LSAMP: variants seen among roughly 807,000 people sequenced by gnomAD.
LSAMP encodes limbic system-associated membrane protein.
A neutral mutation model predicts 38.6 loss-of-function variants in LSAMP; 7 were observed. The observed-to-expected ratio is 0.18, with a 90% confidence interval of 0.10 to 0.34. The LOEUF (loss-of-function observed/expected upper bound fraction) is 0.34. Ranked by LOEUF, LSAMP falls within the 10% of genes least tolerant of loss-of-function variation. The pLI, the probability that LSAMP is intolerant of heterozygous loss-of-function variation, is 1.00. For missense variants in LSAMP, 313 were observed against 420.0 expected, an observed-to-expected ratio of 0.75 and a Z score of 2.23; for synonymous variants, 154 against 166.8, an observed-to-expected ratio of 0.92 and a Z score of 0.59.
At chr3:115,947,550 T>A (rs1220592476) in intron 3 of LSAMP, among the ~76,000 whole-genome samples, 5 of 152,172 alleles carry the variant, frequency 3.3e-5, no homozygotes, top group African/African-American at 7.2e-5. Flanking sequence ...GAGAGGCATT[T>A]GGGTTTCTGG....
intron 1 of LSAMP, among the ~76,000 whole-genome samples, chr3:116,237,798 T>C (rs920956821): frequency 3.3e-5 from 5 of 152,168 alleles, no homozygotes; most frequent in African/African-American, 1.2e-4. Context: ...TACTGCATAA[T>C]TCAACAACAC....
At chr3:116,301,817 A>C (rs2047413011) in intron 1 of LSAMP, among the ~76,000 whole-genome samples, 1 of 152,248 alleles carries the variant, frequency 6.6e-6, no homozygotes, top group South Asian at 2.1e-4. Flanking sequence ...TAGAGCAAGC[A>C]AGATATTTTC....
intron 1 of LSAMP, among the ~76,000 whole-genome samples, chr3:116,308,030 C>T (rs191720873): frequency 2.2e-4 from 33 of 151,950 alleles, no homozygotes; most frequent in African/African-American, 7.7e-4. Flanking sequence ...TCGTAAAATG[C>T]CTGGAACCAA....
Position 116,321,828 on chromosome 3 carries a change from T to C in LSAMP, c.155+123049A>G, listed in dbSNP as rs564139293. Among the ~76,000 whole-genome samples the C allele has an allele frequency of 9.8e-5, 15 of 152,332 alleles. 1 individual carries two copies. The South Asian group carries it at 3.1e-3, about 32-fold the overall frequency. Reference sequence around the variant, plus strand: ...GCTGGTGGTGAGAAATTGTTTGGACTTTTCAGTTTGGTCCCAATTATTTTC... The same window carrying C: ...GCTGGTGGTGAGAAATTGTTTGGACCTTTCAGTTTGGTCCCAATTATTTTC... On this transcript the variant is annotated intron_variant, in intron 1 of 6. Transcript: ENST00000490035.
intron 2 of LSAMP, among the ~76,000 whole-genome samples, chr3:116,023,618 A>C (rs1453122459): frequency 2.6e-5 from 4 of 151,932 alleles, no homozygotes; most frequent in East Asian, 3.9e-4. Context: ...AAAAAAAAAA[A>C]AAAAAACGGT....
intron 1 of LSAMP, among the ~76,000 whole-genome samples, chr3:116,118,328 T>C (rs931514151): frequency 6.6e-6 from 1 of 152,160 alleles, no homozygotes; most frequent in African/African-American, 2.4e-5. Context: ...CTATTTCCAG[T>C]AGTATTTGGT....
intron 1 of LSAMP, among the ~76,000 whole-genome samples, chr3:116,101,181 C>A (rs1708338933): frequency 6.6e-6 from 1 of 152,150 alleles, no homozygotes; most frequent in Admixed American, 6.5e-5. Context: ...ATAAGAGTGT[C>A]CCCACTCTGA....
chr3:115,978,016 C>T (rs1939241912), intron 3 of LSAMP, among the ~76,000 whole-genome samples: 1 of 151,940 alleles, frequency 6.6e-6, no homozygotes, highest in Non-Finnish European at 1.5e-5. Context: ...CTTCCTTTCT[C>T]TTTCTATCTT....
At chr3:116,043,929 G>A (rs1208582030) in intron 2 of LSAMP, among the ~76,000 whole-genome samples, 2 of 152,246 alleles carry the variant, frequency 1.3e-5, no homozygotes, top group Admixed American at 1.3e-4. Flanking sequence ...CTGGGCGAAA[G>A]AGCGAGACTC....
intron 3 of LSAMP, among the ~76,000 whole-genome samples, chr3:115,868,436 T>A (rs1352326832): frequency 6.6e-6 from 1 of 152,086 alleles, no homozygotes; most frequent in East Asian, 1.9e-4. Context: ...AGGAATATTA[T>A]AAAGCAACTT....
intron 3 of LSAMP, among the ~76,000 whole-genome samples, chr3:115,883,380 C>G (rs931565497): frequency 6.6e-6 from 1 of 152,024 alleles, no homozygotes; most frequent in Non-Finnish European, 1.5e-5. Flanking sequence ...ATAAGGAACA[C>G]AGAGGAGCCT....
intron 2 of LSAMP, among the ~76,000 whole-genome samples, chr3:116,073,153 T>C (rs1438196644): frequency 6.6e-6 from 1 of 152,240 alleles, no homozygotes; most frequent in Non-Finnish European, 1.5e-5. Context: ...GAACGATTTA[T>C]TAAATAGGGA....
Position 116,303,446 on chromosome 3 carries a change from G to A in LSAMP, c.155+141431C>T, listed in dbSNP as rs150832111. Among the ~76,000 whole-genome samples, 321 of 152,280 alleles carry A rather than the reference G, an allele frequency of 2.1e-3. 2 individuals are homozygous for A. Among genetic ancestry groups the A allele is most frequent in the African/African-American group, 7.1e-3 (296 of 41,548 alleles). ...ATGTTGGCATATAGGCATTACATAA[G>A]TAATCTCAAATAATTTTTTTCTATT... On this transcript the variant is annotated intron_variant, in intron 1 of 6. Coordinates refer to ENST00000490035, the MANE Select transcript of LSAMP (RefSeq NM_002338.5).
chr3:116,034,073 CTA>C (rs563426322), intron 2 of LSAMP, among the ~76,000 whole-genome samples: 64 of 152,070 alleles, frequency 4.2e-4, no homozygotes, highest in African/African-American at 1.3e-3. Context: ...CCCACTGTCT[CTA>C]TGTCCCATTA....
intron 3 of LSAMP, among the ~76,000 whole-genome samples, chr3:115,915,552 C>T (rs1470804029): frequency 1.3e-5 from 2 of 152,124 alleles, no homozygotes; most frequent in East Asian, 1.9e-4. Context: ...TTCTTCCCAT[C>T]GGTGTACATA....
chr3:116,066,644 C>G (rs977909284), intron 2 of LSAMP, among the ~76,000 whole-genome samples: 3 of 152,038 alleles, frequency 2.0e-5, no homozygotes, highest in Non-Finnish European at 4.4e-5. Context: ...ATTTGAAGAC[C>G]CCACCCATCA....
chr3:116,349,814 G>GAAA, intron 1 of LSAMP, among the ~76,000 whole-genome samples: 1 of 152,116 alleles, frequency 6.6e-6, no homozygotes, highest in East Asian at 1.9e-4. Flanking sequence ...GGGTGGTGAA[G>GAAA]AAAAGTCTCT....
intron 1 of LSAMP, among the ~76,000 whole-genome samples, chr3:116,194,716 A>G (rs920152126): frequency 6.6e-6 from 1 of 152,188 alleles, no homozygotes; most frequent in Non-Finnish European, 1.5e-5. Context: ...TAAATAGCCC[A>G]CTACGCCTCC....
In LSAMP at chr3:116,004,930, G is replaced by A. The variant is rs567035466; in HGVS notation, c.514+14585C>T. Among the ~76,000 whole-genome samples, 4 of 152,228 alleles carry A rather than the reference G, an allele frequency of 2.6e-5. No individual in the cohort carries two copies. The South Asian group carries it at 8.3e-4, about 32-fold the overall frequency. On this transcript the variant is annotated intron_variant, in intron 3 of 6. Transcript: ENST00000490035. ...TTCCTAGTAGCTCCTACATACGTGAGAAATTGTCAATGCAGAGTACCTGGG... is the reference window on the plus strand; with the variant it reads ...TTCCTAGTAGCTCCTACATACGTGAAAAATTGTCAATGCAGAGTACCTGGG...
Sources: allele counts gnomAD v4.1 joint callset (sites outside exome capture counted in the v4.1 genomes callset), GRCh38; gene constraint gnomAD v4.1.1; transcripts MANE v1.5; gene names NCBI Gene and HGNC (gene_info 2026-07-23, HGNC 2026-07-21).